MTMR3: variants seen among roughly 807,000 people sequenced by gnomAD.
MTMR3 encodes myotubularin related protein 3.
A neutral mutation model predicts 132.4 loss-of-function variants in MTMR3; 32 were observed. The observed-to-expected ratio is 0.24, with a 90% CI of 0.18 to 0.32. The LOEUF is 0.32. MTMR3 is among the 10% of genes least tolerant of loss of function. MTMR3 has a pLI of 1.00. For missense variants in MTMR3, 1,216 were observed against 1,489.6 expected, an observed-to-expected ratio of 0.82 and a Z score of 3.02; for synonymous variants, 556 against 550.3, an observed-to-expected ratio of 1.01 and a Z score of -0.14.
chr22:29,962,997 C>A (rs577549242), intron 2 of MTMR3, among the ~76,000 whole-genome samples: 9 of 151,586 alleles, frequency 5.9e-5, no homozygotes, highest in Non-Finnish European at 1.2e-4. Flanking sequence ...TCACTGAAAC[C>A]TCGCCACTGC....
rs745991146 is a variant in MTMR3 at position 29,958,715 on chromosome 22, G to T, written c.-85+1627G>T. Among the ~76,000 whole-genome samples the T allele has an allele frequency of 2.0e-5, 3 of 152,188 alleles. No homozygotes were observed. The South Asian group carries it at 6.2e-4, about 32-fold the overall frequency. The stretch of plus-strand genomic sequence containing the variant: ...TTTCTGTATCTCTTAACATACTCTT[G>T]TCTTATTAGTTATATTTGTTGGTCA... On this transcript the variant is annotated intron_variant, in intron 2 of 19. Transcript: ENST00000401950.
chr22:30,007,693 G>A (rs2067302893), intron 10 of MTMR3: 1 of 608,294 alleles, frequency 1.6e-6, no homozygotes, highest in Non-Finnish European at 2.8e-6. Context: ...TACTCTGGGA[G>A]TCAGTTTTGG....
chr22:29,930,565 G>A (rs1288908925), intron 1 of MTMR3, among the ~76,000 whole-genome samples: 3 of 152,190 alleles, frequency 2.0e-5, no homozygotes, highest in African/African-American at 7.2e-5. Flanking sequence ...GGTGGCACAT[G>A]TGTGTAGTCC....
At chr22:29,933,972 A>C (rs545711320) in intron 1 of MTMR3, among the ~76,000 whole-genome samples, 29 of 152,160 alleles carry the variant, frequency 1.9e-4, no homozygotes, top group Non-Finnish European at 3.5e-4. Context: ...TCCCTATGAT[A>C]GTACATGTTT....
At chr22:29,981,408 T>G (rs2066740378) in intron 5 of MTMR3, 1 of 152,178 alleles carries the variant, frequency 6.6e-6, no homozygotes, top group Non-Finnish European at 1.5e-5. Context: ...TGATCCCCCA[T>G]TGTGATTGAG....
At chr22:30,011,418 G>C (rs897812167) in intron 12 of MTMR3, 2 of 152,266 alleles carry the variant, frequency 1.3e-5, no homozygotes, top group Non-Finnish European at 2.9e-5. Context: ...GCTGGAGTGC[G>C]GTGGCCTGAT....
chr22:29,953,223 G>A (rs1305740621), intron 1 of MTMR3, among the ~76,000 whole-genome samples: 7 of 152,320 alleles, frequency 4.6e-5, no homozygotes, highest in Admixed American at 4.6e-4. Context: ...AAGTTAAAGT[G>A]TATCTCAGCC....
chr22:30,025,885 C>T lies in MTMR3; in HGVS notation c.*84C>T, dbSNP rs2067902549. ...ACCTGGGCAGACCGAGAGGCCCGTGCACTTTGGAATGGGAGCGTGGAACCA... is the reference window on the plus strand; with the variant it reads ...ACCTGGGCAGACCGAGAGGCCCGTGTACTTTGGAATGGGAGCGTGGAACCA... On this transcript the variant is annotated 3_prime_UTR_variant, in exon 20 of 20. Coordinates refer to ENST00000401950, the MANE Select transcript of MTMR3 (RefSeq NM_021090.4). 2.0e-6 allele frequency: 3 copies of T among 1,465,502 alleles called. No individual in the cohort carries two copies. Among genetic ancestry groups the T allele is most frequent in the South Asian group, 2.3e-5 (2 of 86,848 alleles). 90.8% of individuals were successfully genotyped at this position (1,465,502 alleles called of 1,614,324 possible). A position where few individuals can be genotyped will look rare whatever the true frequency, so the allele number is the denominator to read the frequency against.
At chr22:29,914,317 A>G (rs987464762) in intron 1 of MTMR3, among the ~76,000 whole-genome samples, 4 of 152,316 alleles carry the variant, frequency 2.6e-5, no homozygotes, top group Non-Finnish European at 5.9e-5. Flanking sequence ...GTAGCAATAC[A>G]TCATCATGGT....
intron 1 of MTMR3, among the ~76,000 whole-genome samples, chr22:29,937,644 A>G (rs1241158521): frequency 6.6e-6 from 1 of 152,194 alleles, no homozygotes; most frequent in South Asian, 2.1e-4. Flanking sequence ...TAGTATCACT[A>G]TGTATAATTC....
intron 1 of MTMR3, among the ~76,000 whole-genome samples, chr22:29,931,527 G>C (rs970182754): frequency 1.1e-4 from 16 of 152,146 alleles, no homozygotes; most frequent in African/African-American, 3.1e-4. Context: ...CGATTCTTCT[G>C]CCTCAGCCTC....
intron 1 of MTMR3, among the ~76,000 whole-genome samples, chr22:29,914,233 A>G (rs2065267575): frequency 6.6e-6 from 1 of 152,158 alleles, no homozygotes; most frequent in South Asian, 2.1e-4. Flanking sequence ...AATGCATGAG[A>G]ATTCCAGGGC....
At chr22:29,925,117 G>A (rs573012180) in intron 1 of MTMR3, among the ~76,000 whole-genome samples, 130 of 152,270 alleles carry the variant, frequency 8.5e-4, no homozygotes, top group African/African-American at 2.9e-3. Flanking sequence ...ACTGTAGCTG[G>A]CTCCTCCGAG....
chr22:29,905,570 T>C (rs2145734488), intron 1 of MTMR3, among the ~76,000 whole-genome samples: 1 of 152,354 alleles, frequency 6.6e-6, no homozygotes, highest in South Asian at 2.1e-4. Flanking sequence ...TTGTATCTTT[T>C]GGTGCTTGAG....
At chr22:29,998,891 A>T (rs758481634) in intron 8 of MTMR3, 34 bp downstream of exon 8, 2 of 1,476,678 alleles carry the variant, frequency 1.4e-6, no homozygotes, top group Non-Finnish European at 1.9e-6. Flanking sequence ...ACTGTTTCAC[A>T]GCCAGTGCCT....
intron 1 of MTMR3, among the ~76,000 whole-genome samples, chr22:29,949,186 C>G (rs1364364087): frequency 1.5e-5 from 2 of 134,106 alleles, no homozygotes; most frequent in Non-Finnish European, 3.1e-5. Context: ...AACACACACA[C>G]ATGCGTGCGC....
chr22:29,928,562 C>A (rs919764689), intron 1 of MTMR3, among the ~76,000 whole-genome samples: 11 of 152,002 alleles, frequency 7.2e-5, no homozygotes, highest in African/African-American at 1.9e-4. Flanking sequence ...TCTCTTTCTT[C>A]TTTTTAAATA....
chr22:29,944,714 T>G (rs1292798646), intron 1 of MTMR3, among the ~76,000 whole-genome samples: 1 of 152,244 alleles, frequency 6.6e-6, no homozygotes, highest in Non-Finnish European at 1.5e-5. Flanking sequence ...AGCCAGTTGA[T>G]TAGTGACTTT....
chr22:30,016,622 C>T lies in MTMR3; in HGVS notation c.1598C>T (p.Thr533Ile). 6.2e-7 allele frequency: 1 copy of T among 1,614,212 alleles called. No individual in the cohort carries two copies. The highest frequency in any genetic ancestry group is 8.5e-7 in the Non-Finnish European group (1 of 1,180,034). Residue 533 changes from threonine to isoleucine, a missense_variant, in exon 15 of 20, where the codon ACA becomes ATA. Coordinates refer to ENST00000401950, the MANE Select transcript of MTMR3 (RefSeq NM_021090.4). ...ERGEKHTQER[T>I]CSVWSLLRAG... ...GGGGAAAAGCATACTCAGGAACGGA[C>T]ATGTTCCGTGTGGTCACTTCTTCGG...
Sources: allele counts gnomAD v4.1 joint callset (sites outside exome capture counted in the v4.1 genomes callset), GRCh38; gene constraint gnomAD v4.1.1; transcripts MANE v1.5; gene names NCBI Gene and HGNC (gene_info 2026-07-23, HGNC 2026-07-21).